CTBP2: variants seen among roughly 807,000 people sequenced by gnomAD.
CTBP2 encodes C-terminal-binding protein 2.
A neutral mutation model predicts 80.3 loss-of-function variants in CTBP2; 30 were observed. The ratio of observed to expected loss-of-function variants is 0.37; its 90% CI spans 0.28 to 0.51. The LOEUF (loss-of-function observed/expected upper bound fraction) is 0.51, where lower values mean the gene tolerates loss of function less well. CTBP2 is among the 20% of genes least tolerant of loss of function. The pLI, the probability that CTBP2 is intolerant of heterozygous loss-of-function variation, is 0.93. For missense variants in CTBP2, 1,212 were observed against 1,375.3 expected, an observed-to-expected ratio of 0.88 and a Z score of 1.88; for synonymous variants, 594 against 587.4, an observed-to-expected ratio of 1.01 and a Z score of -0.16.
chr10:125,036,007 A>C (rs1294285721), intron 3 of CTBP2, among the ~76,000 whole-genome samples: 2 of 152,210 alleles, frequency 1.3e-5, no homozygotes, highest in African/African-American at 2.4e-5. Context: ...AGTTACATTA[A>C]AAAAATTAAA....
intron 2 of CTBP2, among the ~76,000 whole-genome samples, chr10:125,090,285 CA>C (rs56714830): frequency 5.3e-3 from 345 of 65,420 alleles, no homozygotes; most frequent in Non-Finnish European, 6.2e-3. Context: ...GTCCCTGGCT[CA>C]AAAAAAAAAA....
intron 2 of CTBP2, among the ~76,000 whole-genome samples, chr10:125,099,928 TCA>T (rs1352516273): frequency 6.6e-6 from 1 of 152,122 alleles, no homozygotes; most frequent in Non-Finnish European, 1.5e-5. Flanking sequence ...TTGCGCAGGC[TCA>T]GATTCAGTCC....
rs1212975303 is a variant in CTBP2, at chr10:125,027,550, C to T, written c.210G>A (p.Leu70=). The T allele has an allele frequency of 1.2e-6, 2 of 1,614,040 alleles. No homozygotes were observed. Among genetic ancestry groups the T allele is most frequent in the African/African-American group, 1.3e-5 (1 of 74,928 alleles). The stretch of plus-strand genomic sequence containing the variant: ...CTGAGTTATAAACGGCCTCCCGGTA[C>T]AGGTAGGGCTCGGCGGCCACGGGCA... The change falls in exon 1 of 9, where the codon CTG becomes CTA. Residue 70 remains leucine, a synonymous_variant. Coordinates refer to ENST00000309035, the MANE Select transcript of CTBP2 (RefSeq NM_022802.3).
In CTBP2 at chr10:125,026,751, C is replaced by T; in HGVS notation, c.1009G>A (p.Gly337Ser). The stretch of plus-strand genomic sequence containing the variant: ...AGGCGGCTCAGAACACGGGCCTGGC[C>T]CAGGTTGGGTGCGACAGACTTGATA... The change falls in exon 1 of 9, where the codon GGC (glycine) becomes AGC (serine). Residue 337 changes from glycine to serine, a missense_variant. Gly to Ser is a moderately conservative substitution (Grantham distance 56). Around this residue, in one of 3 missense-constraint regions of CTBP2, gnomAD observed 848 missense variants for 782.3 expected, o/e 1.08. Transcript: ENST00000309035. 4 of 1,612,994 alleles carry T rather than the reference C, an allele frequency of 2.5e-6. No homozygotes were observed. Among genetic ancestry groups the T allele is most frequent in the Non-Finnish European group, 3.4e-6 (4 of 1,179,948 alleles).
rs576567860 is a variant in CTBP2, at chr10:125,035,921, C to G, written c.58+3076G>C. Among the ~76,000 whole-genome samples the G allele has an allele frequency of 2.6e-5, 4 of 152,204 alleles. No individual in the cohort carries two copies. In the South Asian group the frequency reaches 8.3e-4, roughly 32 times the overall value. ...ACGAGAGGGCTCCTTCGTAATAATT[C>G]TTACATGGTATTATAGGATTGCTTG... is the stretch of plus-strand genomic sequence containing the variant. On this transcript the variant is annotated intron_variant, in intron 3 of 10. Coordinates refer to the CTBP2 transcript ENST00000337195.
chr10:125,017,879 G>A (rs1956650109), intron 1 of CTBP2, among the ~76,000 whole-genome samples: 1 of 152,152 alleles, frequency 6.6e-6, no homozygotes, highest in South Asian at 2.1e-4. Flanking sequence ...GGGCAGGTAG[G>A]GTGGGCACCA....
At chr10:125,010,016 C>A (rs1411667066) in intron 1 of CTBP2, among the ~76,000 whole-genome samples, 2 of 152,144 alleles carry the variant, frequency 1.3e-5, no homozygotes, top group Non-Finnish European at 2.9e-5. Flanking sequence ...GGTGACTCCC[C>A]CTCCTTGTGT....
chr10:125,023,651 G>A (rs994193645), intron 1 of CTBP2, among the ~76,000 whole-genome samples: 4 of 152,128 alleles, frequency 2.6e-5, no homozygotes, highest in Non-Finnish European at 4.4e-5. Flanking sequence ...CGCAGCATAC[G>A]CCTTCCTCAC....
At chr10:125,102,477 A>G (rs1323137968) in intron 2 of CTBP2, among the ~76,000 whole-genome samples, 1 of 152,242 alleles carries the variant, frequency 6.6e-6, no homozygotes, top group African/African-American at 2.4e-5. Context: ...TCCGGCCTTC[A>G]GCAGGCCTCT....
At chr10:125,103,217 G>A (rs71488649) in intron 2 of CTBP2, among the ~76,000 whole-genome samples, 1 of 152,088 alleles carries the variant, frequency 6.6e-6, no homozygotes, top group East Asian at 1.9e-4. Context: ...CAGCTGCTGC[G>A]ATGCGCTCCT....
chr10:125,039,031 T>C, exon 3 of CTBP2: 1 of 1,612,974 alleles, frequency 6.2e-7, no homozygotes, highest in Non-Finnish European at 8.5e-7. Flanking sequence ...GTCTCTTGAC[T>C]TTGTGCTTAT....
chr10:125,138,799 C>T (rs1321040123), intron 1 of CTBP2, among the ~76,000 whole-genome samples: 1 of 152,140 alleles, frequency 6.6e-6, no homozygotes, highest in East Asian at 1.9e-4. Flanking sequence ...GACCTTGATT[C>T]TTGGGTGCAA....
chr10:125,040,385 G>A (rs1959302009), intron 2 of CTBP2, among the ~76,000 whole-genome samples: 1 of 150,956 alleles, frequency 6.6e-6, no homozygotes, highest in Non-Finnish European at 1.5e-5. Flanking sequence ...AATCTGGGAG[G>A]TGGAGGTTGC....
chr10:125,158,173 G>A, intron 1 of CTBP2, among the ~76,000 whole-genome samples: 1 of 151,938 alleles, frequency 6.6e-6, no homozygotes, highest in Non-Finnish European at 1.5e-5. Flanking sequence ...AAAAAAAGGG[G>A]GGGGTTAAAA....
At chr10:125,139,604 C>A (rs920729575) in intron 1 of CTBP2, among the ~76,000 whole-genome samples, 2 of 152,088 alleles carry the variant, frequency 1.3e-5, no homozygotes. Flanking sequence ...CCAGCTGGGC[C>A]TGGGCATGTA....
rs532619673 is a variant in CTBP2 at position 125,136,578 on chromosome 10, G to A, written c.-206+23741C>T. Among the ~76,000 whole-genome samples the A allele has an allele frequency of 1.1e-4, 17 of 152,218 alleles. 1 individual carries two copies. The South Asian group carries it at 3.1e-3, about 28-fold the overall frequency. ...AAGGTACTGTGGAGGATGTGGGAAA[G>A]AAAGAAAATGAACCCCATGGAGCCC... On this transcript the variant is annotated intron_variant, in intron 1 of 10. Transcript: ENST00000337195.
chr10:125,145,699 C>G (rs1380280043), intron 1 of CTBP2, among the ~76,000 whole-genome samples: 1 of 152,150 alleles, frequency 6.6e-6, no homozygotes. Flanking sequence ...ACCACCACCA[C>G]CAGCACCACC....
intron 3 of CTBP2, among the ~76,000 whole-genome samples, chr10:125,035,668 G>A (rs892775371): frequency 4.6e-4 from 70 of 152,264 alleles, no homozygotes; most frequent in African/African-American, 1.6e-3. Flanking sequence ...ATGCTCTTCT[G>A]GGTTCCCTTT....
At chr10:125,117,314 T>G (rs896057626) in intron 1 of CTBP2, among the ~76,000 whole-genome samples, 2 of 152,108 alleles carry the variant, frequency 1.3e-5, no homozygotes, top group African/African-American at 4.8e-5. Context: ...CAGGCATCCC[T>G]GAGCAAACGG....
Sources: allele counts gnomAD v4.1 joint callset (sites outside exome capture counted in the v4.1 genomes callset), GRCh38; gene constraint gnomAD v4.1.1; regional missense constraint gnomAD v4.1.1; transcripts MANE v1.5; gene names NCBI Gene and HGNC (gene_info 2026-07-23, HGNC 2026-07-21).